ITIH3: variants seen among roughly 807,000 people sequenced by gnomAD.
ITIH3 encodes the protein inter-alpha-trypsin inhibitor heavy chain 3, also known as inter-alpha-trypsin inhibitor heavy chain H3.
In ITIH3, 81 loss-of-function variants were observed where a neutral mutation model predicts 96.5. The ratio of observed to expected loss-of-function variants is 0.84; its 90% CI spans 0.70 to 1.01. The LOEUF is 1.01. Ranked by LOEUF, ITIH3 falls within the 50% of genes least tolerant of loss-of-function variation. The probability of loss-of-function intolerance (pLI) is 0.00; values close to 1 mark genes in which losing one functional copy is unlikely to be tolerated. For synonymous variants in ITIH3, 422 were observed against 445.2 expected (o/e 0.95, Z 0.66); for missense variants, 1,057 against 1,139.3 (o/e 0.93, Z 1.04).
chr3:52,803,350 G>A (rs1169862648), intron 13 of ITIH3, among the ~76,000 whole-genome samples: 1 of 146,666 alleles, frequency 6.8e-6, no homozygotes, highest in African/African-American at 2.5e-5. Context: ...ACGGAGTCTC[G>A]CTCTGTCGCC....
intron 10 of ITIH3, 42 bp downstream of exon 10, chr3:52,800,705 T>C: frequency 6.3e-7 from 1 of 1,587,828 alleles, no homozygotes; most frequent in Non-Finnish European, 8.6e-7. Context: ...GCTGGAGTGC[T>C]TGGCTGCTGC....
chr3:52,802,894 C>T (rs1699891961), intron 13 of ITIH3, 88 bp downstream of exon 13: 1 of 1,481,908 alleles, frequency 6.7e-7, no homozygotes, highest in Non-Finnish European at 9.2e-7. Flanking sequence ...AGCGGTCCTG[C>T]CCTCTTCTTG....
At chr3:52,794,944 A>T (rs1179390049) in intron 1 of ITIH3, 48 bp downstream of exon 1, 1 of 1,450,860 alleles carries the variant, frequency 6.9e-7, no homozygotes, top group Non-Finnish European at 9.7e-7. Flanking sequence ...TGGAATGGGC[A>T]GAAGGCATCA....
At chr3:52,806,431 G>A (rs999534271) in intron 18 of ITIH3, 25 bp downstream of exon 18, 3 of 1,573,898 alleles carry the variant, frequency 1.9e-6, no homozygotes, top group Non-Finnish European at 1.7e-6. Flanking sequence ...CTAGGGCCGG[G>A]GCCAGGGGGC....
In ITIH3 at chr3:52,794,809, A is replaced by G. The variant is rs1217866338; in HGVS notation, c.6A>G (p.Ala2=). M[A]FAWWPCLILA... ...CCAGGCCTGAGTATTCAGCGATGGC[A>G]TTTGCATGGTGGCCCTGTCTCATCT... The change falls in exon 1 of 22, where the codon GCA becomes GCG. Residue 2 remains alanine, a synonymous_variant. Transcript: ENST00000449956. 3 of 1,613,638 alleles carry G rather than the reference A, an allele frequency of 1.9e-6. No homozygotes were observed. The highest frequency in any genetic ancestry group is 2.5e-6 in the Non-Finnish European group (3 of 1,179,722).
intron 19 of ITIH3, 94 bp downstream of exon 19, chr3:52,807,199 C>G: frequency 9.1e-7 from 1 of 1,093,968 alleles, no homozygotes; most frequent in Non-Finnish European, 1.3e-6. Flanking sequence ...ACAGGAGATC[C>G]ATGGGGGTCA....
At position 52,800,677 on chromosome 3, in the gene ITIH3, G is replaced by T. The variant is rs373768824; in HGVS notation, c.1201+14G>T. On this transcript the variant is annotated intron_variant, in intron 10 of 21. Transcript: ENST00000449956. ...ATGCCAATGTTGGTGAGGAGCACGG[G>T]CATGGTTTTGAGCTAGGGCTGGAGT... The T allele has an allele frequency of 3.1e-6, 5 of 1,597,200 alleles. No individual in the cohort carries two copies. Among genetic ancestry groups the T allele is most frequent in the Non-Finnish European group, 2.6e-6 (3 of 1,171,986 alleles).
chr3:52,807,717 C>T, intron 19 of ITIH3, 30 bp from the exon 20 acceptor site: 1 of 1,590,702 alleles, frequency 6.3e-7, no homozygotes, highest in Non-Finnish European at 8.6e-7. Context: ...CCACTGGGCC[C>T]CACAGCCACT....
chr3:52,803,680 T>G (rs893373067), intron 13 of ITIH3, among the ~76,000 whole-genome samples, 175 bp from the exon 14 acceptor site: 1 of 152,244 alleles, frequency 6.6e-6, no homozygotes, highest in Non-Finnish European at 1.5e-5. Flanking sequence ...CTTGTTCACA[T>G]GCCCCAGGGA....
intron 5 of ITIH3, 70 bp downstream of exon 5, chr3:52,797,337 C>G: frequency 1.4e-6 from 2 of 1,481,246 alleles, no homozygotes; most frequent in South Asian, 2.5e-5. Context: ...GGGGCAGTCT[C>G]AGACAGGGGT....
intron 2 of ITIH3, chr3:52,795,944 T>A: frequency 2.7e-6 from 1 of 367,720 alleles, no homozygotes; most frequent in Non-Finnish European, 4.9e-6. Context: ...CATCTTTATA[T>A]CCCTAGGGGG....
intron 2 of ITIH3, 177 bp downstream of exon 2, chr3:52,795,800 G>C (rs1226094953): frequency 3.3e-6 from 2 of 598,724 alleles, no homozygotes; most frequent in African/African-American, 3.7e-5. Context: ...GCACCACAGA[G>C]TGACGACCCC....
Position 52,799,676 on chromosome 3 carries a change from G to C in ITIH3, c.907-77G>C, listed in dbSNP as rs1699740583. The C allele has an allele frequency of 2.2e-5, 31 of 1,439,036 alleles. No individual in the cohort carries two copies. In the South Asian group the frequency reaches 3.4e-4, roughly 16 times the overall value. The allele number at this position is 1,439,036 out of a possible 1,614,324, so 89.1% of individuals were successfully genotyped here. A position where few individuals can be genotyped will look rare whatever the true frequency, so the allele number is the denominator to read the frequency against. ...AGGGCTCGCTGGTGCAGATGGCGTGGGCTGCACCGCCTGCTGAGCTGAGAA... is the reference window on the plus strand; with the variant it reads ...AGGGCTCGCTGGTGCAGATGGCGTGCGCTGCACCGCCTGCTGAGCTGAGAA... On this transcript the variant is annotated intron_variant, in intron 8 of 21. Transcript: ENST00000449956.
chr3:52,801,316 C>T (rs761375220), intron 11 of ITIH3, among the ~76,000 whole-genome samples, 170 bp downstream of exon 11: 3 of 152,230 alleles, frequency 2.0e-5, no homozygotes, highest in Admixed American at 2.0e-4. Context: ...CCTTGGGCTA[C>T]ACAACAGGCC....
chr3:52,803,859 A>C lies in ITIH3; in HGVS notation c.1714A>C (p.Asn572His). 1.2e-6 allele frequency: 2 copies of C among 1,613,944 alleles called. No homozygotes were observed. The highest frequency in any genetic ancestry group is 1.7e-6 in the Non-Finnish European group (2 of 1,179,872). Residue 572 changes from asparagine to histidine, a missense_variant, in exon 14 of 22, where the codon AAC becomes CAC. By Grantham distance (68) the Asn-to-His change is moderately conservative (BLOSUM62 1). Coordinates refer to ENST00000449956, the MANE Select transcript of ITIH3 (RefSeq NM_002217.4). ...TIEQLLEKRK[N>H]AHGEEKENLT... is the part of the protein sequence containing the mutation. ...CTGACTGGCCCCTCCTCACAGCAAG[A>C]ACGCCCATGGCGAGGAGAAGGAGAA...
At chr3:52,799,543 T>A (rs932613943) in intron 8 of ITIH3, 55 bp downstream of exon 8, 37 of 618,522 alleles carry the variant, frequency 6.0e-5, no homozygotes, top group Non-Finnish European at 7.9e-5. Context: ...GTGGAAGAGA[T>A]TTTTTTTTTT....
chr3:52,804,037 C>A (rs369358445), intron 14 of ITIH3, 28 bp downstream of exon 14: 9 of 1,600,972 alleles, frequency 5.6e-6, no homozygotes, highest in East Asian at 2.3e-5. Context: ...GGCCGGAACC[C>A]GGAGGCCTCC....
At chr3:52,806,549 G>A (rs1254163836) in intron 18 of ITIH3, 143 bp downstream of exon 18, 1 of 666,430 alleles carries the variant, frequency 1.5e-6, no homozygotes, top group Admixed American at 3.0e-5. Flanking sequence ...GGGGTGGGGA[G>A]TGCCCAGGGC....
chr3:52,802,158 G>T (rs1699852500), intron 11 of ITIH3, 176 bp from the exon 12 acceptor site: 1 of 582,796 alleles, frequency 1.7e-6, no homozygotes, highest in African/African-American at 1.9e-5. Flanking sequence ...GTCTATCTGG[G>T]AGCAGGGAGT....
Sources: gnomAD v4.1 joint callset for allele counts (sites outside exome capture counted in the v4.1 genomes callset) on GRCh38, gnomAD v4.1.1 for gene constraint, MANE v1.5 for transcripts, NCBI Gene and HGNC (gene_info 2026-07-23, HGNC 2026-07-21) for gene names.